Variants in OPCML observed in about 807,000 individuals in gnomAD.
OPCML encodes the protein opioid-binding protein/cell adhesion molecule.
OPCML carries 13 observed loss-of-function variants against 37.8 expected under a neutral mutation model. The observed-to-expected ratio is 0.34, with a 90% CI of 0.22 to 0.55. OPCML has a LOEUF of 0.55. Ranked by LOEUF, OPCML falls within the 20% of genes least tolerant of loss-of-function variation. The pLI, the probability that OPCML is intolerant of heterozygous loss-of-function variation, is 0.91. For synonymous variants in OPCML, 176 were observed against 168.8 expected (o/e 1.04, Z -0.33); for missense variants, 341 against 435.6 (o/e 0.78, Z 1.93).
chr11:133,247,212 A>G (rs572562970), intron 1 of OPCML, among the ~76,000 whole-genome samples: 10 of 152,332 alleles, frequency 6.6e-5, no homozygotes, highest in African/African-American at 2.2e-4. Context: ...AAATAATCAC[A>G]TATGAAGGGT....
chr11:132,722,775 T>G (rs1009547524), intron 2 of OPCML, among the ~76,000 whole-genome samples: 1 of 152,152 alleles, frequency 6.6e-6, no homozygotes, highest in African/African-American at 2.4e-5. Context: ...GGTCAGATCC[T>G]AAGTGAGAGG....
At chr11:132,559,950 C>T (rs547612847) in intron 3 of OPCML, among the ~76,000 whole-genome samples, 1 of 152,256 alleles carries the variant, frequency 6.6e-6, no homozygotes, top group Non-Finnish European at 1.5e-5. Flanking sequence ...TACAAGTATC[C>T]CTCACTTTAT....
rs1946184104 is a variant in OPCML at position 133,434,175 on chromosome 11, C to T, written c.61+98089G>A. Among the ~76,000 whole-genome samples the T allele has an allele frequency of 2.0e-5, 3 of 152,194 alleles. No homozygotes were observed. The South Asian group carries it at 6.2e-4, about 32-fold the overall frequency. ...ACCTTTATAGTTAGGTGGGATTACACTATTCACTTTCCTCATGAAAGCTCC... is the reference window on the plus strand; with the variant it reads ...ACCTTTATAGTTAGGTGGGATTACATTATTCACTTTCCTCATGAAAGCTCC... On this transcript the variant is annotated intron_variant, in intron 1 of 7. Transcript: ENST00000524381.
intron 1 of OPCML, among the ~76,000 whole-genome samples, chr11:132,976,946 TTG>T (rs1212593639): frequency 1.3e-5 from 2 of 152,202 alleles, no homozygotes; most frequent in African/African-American, 4.8e-5. Flanking sequence ...GAAATTTTCA[TTG>T]TCTTGGGGAC....
intron 1 of OPCML, among the ~76,000 whole-genome samples, chr11:133,058,411 G>A (rs530153794): frequency 2.0e-5 from 3 of 152,312 alleles, no homozygotes; most frequent in South Asian, 2.1e-4. Context: ...GCGGGGGCAC[G>A]CGGGGTGCAT....
chr11:132,916,590 A>G (rs1232365268), intron 2 of OPCML, among the ~76,000 whole-genome samples: 1 of 152,240 alleles, frequency 6.6e-6, no homozygotes, highest in African/African-American at 2.4e-5. Flanking sequence ...TGAGGATATG[A>G]AAACTTGCAC....
chr11:133,144,924 C>T lies in OPCML; in HGVS notation c.62-201914G>A, dbSNP rs1011866364. Among the ~76,000 whole-genome samples the T allele has an allele frequency of 5.9e-5, 9 of 152,120 alleles. 2 individuals carry two copies. In the South Asian group the frequency reaches 8.3e-4, roughly 14 times the overall value. ...AAGTGAAATTAGCACAGCCGAGCAG[C>T]GAATTAATTCAAGTTTCTGGAAAGC... On this transcript the variant is annotated intron_variant, in intron 1 of 7. Coordinates refer to ENST00000524381, the MANE Select transcript of OPCML (RefSeq NM_001012393.5).
intron 2 of OPCML, among the ~76,000 whole-genome samples, chr11:132,914,334 A>T (rs1944536675): frequency 6.6e-6 from 1 of 152,198 alleles, no homozygotes; most frequent in African/African-American, 2.4e-5. Context: ...TAACATTTAT[A>T]TGCAACTGAG....
chr11:132,548,849 C>T (rs1300501100), intron 3 of OPCML, among the ~76,000 whole-genome samples: 13 of 152,178 alleles, frequency 8.5e-5, no homozygotes, highest in Non-Finnish European at 2.9e-5. Context: ...CAACCCTCTG[C>T]TTCATGTAAT....
intron 1 of OPCML, among the ~76,000 whole-genome samples, chr11:132,970,207 T>C (rs1427847410): frequency 2.0e-5 from 3 of 152,194 alleles, no homozygotes; most frequent in African/African-American, 4.8e-5. Flanking sequence ...GTTTTCAAAA[T>C]ACATGTTTTT....
intron 3 of OPCML, among the ~76,000 whole-genome samples, chr11:132,601,125 G>A (rs1937858546): frequency 6.6e-6 from 1 of 152,064 alleles, no homozygotes; most frequent in Admixed American, 6.6e-5. Context: ...ACTATTTGGG[G>A]TTAAAAATTA....
intron 3 of OPCML, among the ~76,000 whole-genome samples, chr11:132,602,057 C>T (rs991793978): frequency 6.6e-6 from 1 of 152,176 alleles, no homozygotes; most frequent in Non-Finnish European, 1.5e-5. Flanking sequence ...GAGAGACAGA[C>T]ACTTCAGCAT....
rs145277991 is a variant in OPCML, at chr11:133,076,245, A to G, written c.62-133235T>C. Among the ~76,000 whole-genome samples the G allele has an allele frequency of 3.3e-5, 5 of 152,298 alleles. 1 individual carries two copies. The highest frequency in any genetic ancestry group is 7.3e-5 in the Non-Finnish European group (5 of 68,028). ...CATACCTTTGGAAAACAAATTGGCT[A>G]CTTCTGTCTAATTCTATATTAACTT... On this transcript the variant is annotated intron_variant, in intron 1 of 7. Transcript: ENST00000524381.
intron 2 of OPCML, among the ~76,000 whole-genome samples, chr11:132,846,974 G>T: frequency 6.6e-6 from 1 of 152,158 alleles, no homozygotes; most frequent in East Asian, 1.9e-4. Context: ...CAGATTAATG[G>T]ATAGAAAAGG....
chr11:132,438,595 T>A (rs1361508951), intron 4 of OPCML, among the ~76,000 whole-genome samples: 1 of 150,218 alleles, frequency 6.7e-6, no homozygotes, highest in African/African-American at 2.5e-5. Context: ...GGGGACAGTG[T>A]GTAGGGTGTA....
intron 2 of OPCML, among the ~76,000 whole-genome samples, chr11:132,931,365 T>C (rs1945194455): frequency 6.6e-6 from 1 of 151,988 alleles, no homozygotes; most frequent in South Asian, 2.1e-4. Flanking sequence ...AAAGACACTA[T>C]CAAAAGAGTA....
chr11:132,772,487 T>C (rs1369334991), intron 2 of OPCML: 1 of 152,104 alleles, frequency 6.6e-6, no homozygotes, highest in Non-Finnish European at 1.5e-5. Context: ...TAGCCTTTGG[T>C]AGCCAGTTGG....
intron 2 of OPCML, among the ~76,000 whole-genome samples, chr11:132,664,846 A>G (rs2135796695): frequency 6.6e-6 from 1 of 152,348 alleles, no homozygotes; most frequent in African/African-American, 2.4e-5. Flanking sequence ...GCTAGAGCTA[A>G]TATTTGCTGA....
chr11:133,234,702 A>G (rs1340101678), intron 1 of OPCML, among the ~76,000 whole-genome samples: 1 of 152,228 alleles, frequency 6.6e-6, no homozygotes, highest in Non-Finnish European at 1.5e-5. Flanking sequence ...TTCTTCTCCA[A>G]GTTAAACCAT....
Sources: allele counts gnomAD v4.1 joint callset (sites outside exome capture counted in the v4.1 genomes callset), GRCh38; gene constraint gnomAD v4.1.1; transcripts MANE v1.5; gene names NCBI Gene and HGNC (gene_info 2026-07-23, HGNC 2026-07-21).